The following COMMD1 variants were observed in gnomAD, a reference collection of about 807,000 sequenced individuals.
COMMD1 encodes COMM domain-containing protein 1.
In COMMD1, 10 loss-of-function variants were observed where a neutral mutation model predicts 17.2. The ratio of observed to expected loss-of-function variants is 0.58; its 90% CI spans 0.36 to 0.99. The LOEUF is 0.99. Among genes scored for constraint, COMMD1 ranks in the 50% least tolerant of loss-of-function variants. The probability of loss-of-function intolerance (pLI) is 0.01; values close to 1 mark genes in which losing one functional copy is unlikely to be tolerated. For missense variants in COMMD1, 270 were observed against 231.8 expected (o/e 1.17, Z -1.07); for synonymous variants, 97 against 91.6 (o/e 1.06, Z -0.34).
chr2:61,895,288 G>A (rs1482717196), intron 1 of COMMD1, among the ~76,000 whole-genome samples: 5 of 152,160 alleles, frequency 3.3e-5, no homozygotes, highest in Non-Finnish European at 7.4e-5. Flanking sequence ...TACCTCTGTT[G>A]GGAACTAGGT....
intron 2 of COMMD1, among the ~76,000 whole-genome samples, chr2:62,103,041 C>T (rs562846800): frequency 4.0e-5 from 6 of 150,794 alleles, no homozygotes; most frequent in South Asian, 2.1e-4. Context: ...TGCAGTGGCG[C>T]GATCTCCGCT....
At chr2:62,019,645 A>C (rs746457635) in intron 2 of COMMD1, among the ~76,000 whole-genome samples, 3 of 152,188 alleles carry the variant, frequency 2.0e-5, no homozygotes, top group Non-Finnish European at 4.4e-5. Context: ...TTTGGGAAAG[A>C]GCACAACAGA....
intron 2 of COMMD1, among the ~76,000 whole-genome samples, chr2:62,135,025 C>G (rs1017029299): frequency 1.3e-5 from 2 of 152,234 alleles, no homozygotes; most frequent in African/African-American, 2.4e-5. Context: ...CAGACTAACT[C>G]AGAGTCCATC....
intron 2 of COMMD1, among the ~76,000 whole-genome samples, chr2:62,017,524 G>T (rs1299227262): frequency 6.6e-6 from 1 of 151,442 alleles, no homozygotes; most frequent in Non-Finnish European, 1.5e-5. Flanking sequence ...AAAAAAATTA[G>T]CAGGGCATGG....
At position 62,135,857 on chromosome 2, in the gene COMMD1, T is replaced by C. The variant is rs1673178513; in HGVS notation, c.489T>C (p.Phe163=). The change falls in exon 3 of 3, where the codon TTT becomes TTC. Residue 163 remains phenylalanine (F), a synonymous_variant. Transcript: ENST00000311832. ...GQESEFLCLE[F]DEVKVNQILK... ...AATCTGAATTTCTGTGTTTGGAATT[T>C]GATGAGGTCAAAGTCAACCAAATTC... is the stretch of plus-strand genomic sequence containing the variant. The C allele has an allele frequency of 6.3e-7, 1 of 1,582,868 alleles. No homozygotes were observed. Among genetic ancestry groups the C allele is most frequent in the Non-Finnish European group, 8.7e-7 (1 of 1,151,360 alleles).
intron 2 of COMMD1, among the ~76,000 whole-genome samples, chr2:62,099,879 CA>C (rs1672126876): frequency 6.6e-6 from 1 of 152,062 alleles, no homozygotes; most frequent in African/African-American, 2.4e-5. Flanking sequence ...CCTGGTCACC[CA>C]GGGGCGCCTT....
chr2:61,923,240 T>G (rs540255334), intron 1 of COMMD1, among the ~76,000 whole-genome samples: 12 of 152,320 alleles, frequency 7.9e-5, no homozygotes, highest in Non-Finnish European at 1.8e-4. Context: ...TCATTAATTT[T>G]CTTCTGTCTA....
intron 1 of COMMD1, among the ~76,000 whole-genome samples, chr2:61,963,821 G>A (rs986248925): frequency 2.0e-5 from 3 of 152,194 alleles, no homozygotes; most frequent in East Asian, 1.9e-4. Context: ...CCTGGGCACC[G>A]TGCCGTCAGC....
chr2:61,972,960 C>T (rs935765348), intron 1 of COMMD1, among the ~76,000 whole-genome samples: 8 of 152,006 alleles, frequency 5.3e-5, no homozygotes, highest in African/African-American at 4.8e-5. Context: ...TGTGAGCCTC[C>T]GCACCTGGCC....
chr2:61,891,458 G>A lies in COMMD1; in HGVS notation n.119+2616G>A, dbSNP rs151268389. On this transcript the variant is annotated intron_variant and non_coding_transcript_variant, in intron 1 of 2. Transcript: ENST00000472729. ...CAAATATTAAAACCTAAACATGGCCGGGCGTGGTGGCTCACACTTGTAATC... is the reference window on the plus strand; with the variant it reads ...CAAATATTAAAACCTAAACATGGCCAGGCGTGGTGGCTCACACTTGTAATC... Among the ~76,000 whole-genome samples the A allele has an allele frequency of 3.3e-5, 5 of 152,180 alleles. No homozygotes were observed. The East Asian group carries it at 9.7e-4, about 29-fold the overall frequency.
In COMMD1 at chr2:61,970,778, A is replaced by G. The variant is rs142487985; in HGVS notation, c.181-29923A>G. Among the ~76,000 whole-genome samples the G allele has an allele frequency of 2.7e-4, 41 of 152,308 alleles. No individual in the cohort carries two copies. In the East Asian group the frequency reaches 7.9e-3, roughly 29 times the overall value. ...AAACTCCAGGTTGTCTTGTATTTGG[A>G]TCAATAAGATATTCTAGAAGTTATT... On this transcript the variant is annotated intron_variant, in intron 1 of 2. Transcript: ENST00000311832.
upstream of COMMD1, among the ~76,000 whole-genome samples, chr2:61,901,909 C>T (rs985735292): frequency 3.3e-5 from 5 of 152,084 alleles, no homozygotes; most frequent in Non-Finnish European, 7.4e-5. Context: ...TTTTGGCTCA[C>T]TGCAACCTCT....
intron 2 of COMMD1, among the ~76,000 whole-genome samples, chr2:62,080,855 A>G (rs2103978308): frequency 6.6e-6 from 1 of 151,518 alleles, no homozygotes; most frequent in Non-Finnish European, 1.5e-5. Context: ...TTTACTGAAT[A>G]GATCATGGCC....
chr2:61,910,235 G>C (rs1197726059), intron 1 of COMMD1, among the ~76,000 whole-genome samples: 1 of 150,994 alleles, frequency 6.6e-6, no homozygotes, highest in Non-Finnish European at 1.5e-5. Flanking sequence ...TATATAAAAG[G>C]CAGTTGCTAA....
At chr2:62,046,575 A>G (rs989611895) in intron 2 of COMMD1, among the ~76,000 whole-genome samples, 1 of 149,224 alleles carries the variant, frequency 6.7e-6, no homozygotes, top group Non-Finnish European at 1.5e-5. Context: ...AGAACGTACG[A>G]TGAAGCATTC....
In COMMD1 at chr2:62,058,560, G is replaced by C. The variant is rs572856664; in HGVS notation, c.462+57578G>C. 1.6e-3 allele frequency among the ~76,000 whole-genome samples: 245 copies of C among 152,074 alleles called. 2 individuals carry two copies. The highest frequency in any genetic ancestry group is 4.7e-3 in the African/African-American group (195 of 41,472). ...AGGCTGAGGTGGGAGGATTGCTTGA[G>C]CCCAGGAGTTTGAGACCAGCCTGGG... On this transcript the variant is annotated intron_variant, in intron 2 of 2. Coordinates refer to ENST00000311832, the MANE Select transcript of COMMD1 (RefSeq NM_152516.4).
intron 2 of COMMD1, among the ~76,000 whole-genome samples, chr2:62,088,865 G>A (rs1022322491): frequency 1.3e-5 from 2 of 152,188 alleles, no homozygotes; most frequent in African/African-American, 4.8e-5. Flanking sequence ...TGTATTTTAG[G>A]GAGGCATGAG....
intron 1 of COMMD1, among the ~76,000 whole-genome samples, chr2:61,915,432 C>T (rs1670024010): frequency 6.6e-6 from 1 of 151,568 alleles, no homozygotes; most frequent in South Asian, 2.1e-4. Flanking sequence ...GTTTTTTTCC[C>T]ACTTTTTGAT....
At chr2:62,014,726 T>A (rs1009508126) in intron 2 of COMMD1, among the ~76,000 whole-genome samples, 7 of 151,532 alleles carry the variant, frequency 4.6e-5, no homozygotes, top group Admixed American at 1.3e-4. Context: ...CACGCCAGGC[T>A]AATTTTTGTA....
Sources: allele counts gnomAD v4.1 joint callset (sites outside exome capture counted in the v4.1 genomes callset), GRCh38; gene constraint gnomAD v4.1.1; transcripts MANE v1.5; gene names NCBI Gene and HGNC (gene_info 2026-07-23, HGNC 2026-07-21).